ANO10: variants seen among roughly 807,000 people sequenced by gnomAD.
ANO10 encodes anoctamin 10.
Under a neutral mutation model 74.7 loss-of-function variants are expected in ANO10, and 77 were observed. The observed-to-expected ratio is 1.03, with a 90% CI of 0.86 to 1.25. The LOEUF is 1.25. Ranked by LOEUF, ANO10 falls within the 50% of genes most tolerant of loss-of-function variation. The pLI, the probability that ANO10 is intolerant of heterozygous loss-of-function variation, is 0.00. For missense variants in ANO10, 721 were observed against 778.1 expected, an observed-to-expected ratio of 0.93 and a Z score of 0.87; for synonymous variants, 279 against 284.9, an observed-to-expected ratio of 0.98 and a Z score of 0.21.
At chr3:43,385,229 A>G (rs555926396) in intron 12 of ANO10, among the ~76,000 whole-genome samples, 2 of 152,278 alleles carry the variant, frequency 1.3e-5, no homozygotes, top group East Asian at 3.9e-4. Context: ...TATCTCCTAC[A>G]AGAATGGCCA....
intron 12 of ANO10, among the ~76,000 whole-genome samples, chr3:43,416,672 T>C (rs2092743562): frequency 6.6e-6 from 1 of 152,214 alleles, no homozygotes; most frequent in Non-Finnish European, 1.5e-5. Context: ...GTAAATGGAA[T>C]TACCAAGGAC....
At chr3:43,417,753 G>C (rs2148906525) in intron 12 of ANO10, among the ~76,000 whole-genome samples, 1 of 152,192 alleles carries the variant, frequency 6.6e-6, no homozygotes, top group South Asian at 2.1e-4. Context: ...GATTAATAAA[G>C]ATAGTGGACT....
intron 1 of ANO10, among the ~76,000 whole-genome samples, chr3:43,663,771 C>A (rs2083954302): frequency 6.6e-6 from 1 of 152,142 alleles, no homozygotes; most frequent in Non-Finnish European, 1.5e-5. Context: ...TGAGTGAACT[C>A]CCATTCACAA....
intron 12 of ANO10, among the ~76,000 whole-genome samples, chr3:43,422,622 T>C (rs868212097): frequency 2.6e-4 from 39 of 152,296 alleles, no homozygotes; most frequent in African/African-American, 7.9e-4. Flanking sequence ...TCTTACCACA[T>C]TGCTTCCAAT....
At chr3:43,528,096 G>T (rs1458968083) in intron 11 of ANO10, among the ~76,000 whole-genome samples, 1 of 151,498 alleles carries the variant, frequency 6.6e-6, no homozygotes, top group Non-Finnish European at 1.5e-5. Flanking sequence ...TATACCAGCA[G>T]AAAAGAGTGC....
chr3:43,486,710 C>A (rs9809733), intron 11 of ANO10, among the ~76,000 whole-genome samples: 66,254 of 149,280 alleles, frequency 0.44, 17,385 homozygotes, highest in East Asian at 0.77. Context: ...TGGGCTGAGA[C>A]AATGGGGTTT....
intron 2 of ANO10, 65 bp downstream of exon 2, chr3:43,605,649 T>C: frequency 6.4e-7 from 1 of 1,560,152 alleles, no homozygotes; most frequent in Non-Finnish European, 8.8e-7. Context: ...GAGCATACAG[T>C]GTGGGAGGCT....
rs1428349214 is a variant in ANO10 at position 43,691,105 on chromosome 3, G to A, written c.-12+412C>T. The A allele has an allele frequency of 6.9e-6, 10 of 1,442,090 alleles. No individual in the cohort carries two copies. The Admixed American group carries it at 1.8e-4, about 26-fold the overall frequency. 89.3% of individuals were successfully genotyped at this position (1,442,090 alleles called of 1,614,324 possible). On this transcript the variant is annotated intron_variant, in intron 1 of 3. Transcript: ENST00000413397. ...GCACCCTCCGCGCGGGCCGGGTTAG[G>A]GCCCAGCGGGCAGCACCAAGGAGTC... is the stretch of plus-strand genomic sequence containing the variant.
At chr3:43,648,608 G>A (rs1185849056) in intron 1 of ANO10, among the ~76,000 whole-genome samples, 1 of 151,704 alleles carries the variant, frequency 6.6e-6, no homozygotes, top group Non-Finnish European at 1.5e-5. Context: ...TGGGAGTGTA[G>A]CGGTGAGGGT....
At chr3:43,460,792 A>T (rs989639579) in intron 11 of ANO10, among the ~76,000 whole-genome samples, 18 of 152,122 alleles carry the variant, frequency 1.2e-4, no homozygotes, top group South Asian at 2.1e-4. Flanking sequence ...GGTTTTTTTT[A>T]AAAAAAGGAC....
At chr3:43,413,718 T>C (rs1425599682) in intron 12 of ANO10, among the ~76,000 whole-genome samples, 2 of 150,150 alleles carry the variant, frequency 1.3e-5, no homozygotes, top group Non-Finnish European at 3.0e-5. Context: ...TGAGTTAGTT[T>C]ATGATCATCA....
chr3:43,573,218 A>G (rs1313692535), intron 7 of ANO10, among the ~76,000 whole-genome samples: 2 of 152,190 alleles, frequency 1.3e-5, no homozygotes, highest in Admixed American at 1.3e-4. Flanking sequence ...TAGCTGATTT[A>G]GCACCAACAT....
chr3:43,529,697 TGTCAA>T (rs2078371407), intron 11 of ANO10, among the ~76,000 whole-genome samples: 3 of 152,124 alleles, frequency 2.0e-5, no homozygotes, highest in Non-Finnish European at 4.4e-5. Flanking sequence ...ATACATAAAT[TGTCAA>T]GTAGATAATA....
In ANO10 at chr3:43,577,273, A is replaced by G. The variant is rs776013577; in HGVS notation, c.593-12T>C. On this transcript the variant is annotated splice_polypyrimidine_tract_variant and intron_variant, in intron 5 of 12. Transcript: ENST00000292246. ...GCCACGAATACTGTCTATAGTGGAA[A>G]CAAAGAAAGAACATAAGTATAGACT... The G allele has an allele frequency of 1.9e-6, 3 of 1,610,810 alleles. No individual in the cohort carries two copies. Among genetic ancestry groups the G allele is most frequent in the South Asian group, 2.2e-5 (2 of 90,876 alleles).
intron 1 of ANO10, among the ~76,000 whole-genome samples, chr3:43,651,359 G>C (rs930390031): frequency 6.6e-6 from 1 of 152,144 alleles, no homozygotes; most frequent in South Asian, 2.1e-4. Context: ...AAGACACACC[G>C]TAAAACTACA....
At chr3:43,579,690 G>C (rs1196858275) in intron 5 of ANO10, among the ~76,000 whole-genome samples, 1 of 152,158 alleles carries the variant, frequency 6.6e-6, no homozygotes, top group East Asian at 1.9e-4. Context: ...TTGCACTCTA[G>C]CCTGGGCAAC....
chr3:43,605,657 G>T, intron 2 of ANO10, 57 bp downstream of exon 2: 1 of 1,586,646 alleles, frequency 6.3e-7, no homozygotes. Flanking sequence ...AGTGTGGGAG[G>T]CTGAGCATAC....
chr3:43,501,932 C>T (rs1042535174), intron 11 of ANO10, among the ~76,000 whole-genome samples: 4 of 152,262 alleles, frequency 2.6e-5, no homozygotes, highest in South Asian at 2.1e-4. Flanking sequence ...CGATGGTCTC[C>T]GTTTGGTGAT....
intron 1 of ANO10, among the ~76,000 whole-genome samples, chr3:43,674,026 G>A (rs945256185): frequency 5.9e-5 from 9 of 152,192 alleles, no homozygotes; most frequent in African/African-American, 2.2e-4. Flanking sequence ...TAAGCTTGGG[G>A]ATTATTTCAA....
Sources: gnomAD v4.1 joint callset for allele counts (sites outside exome capture counted in the v4.1 genomes callset) on GRCh38, gnomAD v4.1.1 for gene constraint, MANE v1.5 for transcripts, NCBI Gene and HGNC (gene_info 2026-07-23, HGNC 2026-07-21) for gene names.